Variants in RPTOR observed in about 807,000 individuals in gnomAD.
RPTOR encodes the protein regulatory-associated protein of mTOR.
In RPTOR, 21 loss-of-function variants were observed where a neutral mutation model predicts 169.9. The observed-to-expected ratio is 0.12, with a 90% CI of 0.09 to 0.18. The LOEUF (loss-of-function observed/expected upper bound fraction) is 0.18, where lower values mean the gene tolerates loss of function less well. Ranked by LOEUF, RPTOR falls within the 10% of genes least tolerant of loss-of-function variation. The pLI is 1.00. For missense variants in RPTOR, 1,133 were observed against 1,855.9 expected (o/e 0.61, Z 7.16); for synonymous variants, 732 against 753.2 (o/e 0.97, Z 0.46).
intron 5 of RPTOR, among the ~76,000 whole-genome samples, chr17:80,736,385 GA>G (rs1454070759): frequency 1.3e-5 from 2 of 152,190 alleles, no homozygotes; most frequent in African/African-American, 4.8e-5. Context: ...GCCACAGCGA[GA>G]AGCTTGCTTG....
rs1568014180 is a variant in RPTOR, at chr17:80,962,586, C to T, written c.3809+9C>T. 1.2e-6 allele frequency: 2 copies of T among 1,607,434 alleles called. No individual in the cohort carries two copies. Among genetic ancestry groups the T allele is most frequent in the African/African-American group, 2.7e-5 (2 of 74,954 alleles). On this transcript the variant is annotated intron_variant, in intron 32 of 33. Coordinates refer to ENST00000306801, the MANE Select transcript of RPTOR (RefSeq NM_020761.3). ...GCGGACCTGATCGCATGGTAGGCGC[C>T]ACCCACCTCCCTGGCCTGCACCGCT...
At chr17:80,842,313 A>G (rs1373463463) in intron 10 of RPTOR, among the ~76,000 whole-genome samples, 1 of 150,852 alleles carries the variant, frequency 6.6e-6, no homozygotes, top group Non-Finnish European at 1.5e-5. Flanking sequence ...GCACTGAAAT[A>G]TCATTTGTCT....
chr17:80,640,583 G>T (rs2065545578), intron 2 of RPTOR, among the ~76,000 whole-genome samples: 2 of 152,204 alleles, frequency 1.3e-5, no homozygotes, highest in African/African-American at 4.8e-5. Flanking sequence ...CCCCTCCTGG[G>T]TGGGCAGGTA....
At chr17:80,939,217 AAATGCAT>A (rs2068992278) in intron 24 of RPTOR, among the ~76,000 whole-genome samples, 1 of 152,228 alleles carries the variant, frequency 6.6e-6, no homozygotes, top group Admixed American at 6.5e-5. Flanking sequence ...ATGCTTAAGG[AAATGCAT>A]CTGCGTAACC....
At chr17:80,670,472 A>G (rs370673685) in intron 3 of RPTOR, among the ~76,000 whole-genome samples, 3 of 152,278 alleles carry the variant, frequency 2.0e-5, no homozygotes, top group African/African-American at 7.2e-5. Flanking sequence ...CGATTTTGAC[A>G]TGACGCCTGC....
intron 6 of RPTOR, among the ~76,000 whole-genome samples, chr17:80,765,265 G>A (rs968077020): frequency 1.3e-5 from 2 of 152,130 alleles, no homozygotes; most frequent in Admixed American, 6.5e-5. Flanking sequence ...CTGGGCACTT[G>A]CTCTCAGTTC....
intron 7 of RPTOR, among the ~76,000 whole-genome samples, chr17:80,810,854 G>C (rs2067265336): frequency 6.6e-6 from 1 of 152,120 alleles, no homozygotes; most frequent in South Asian, 2.1e-4. Context: ...CAAATATTTT[G>C]TTAAATTAAT....
intron 10 of RPTOR, 121 bp from the exon 11 acceptor site, chr17:80,846,352 C>T (rs1020875394): frequency 3.7e-5 from 34 of 925,342 alleles, no homozygotes; most frequent in African/African-American, 2.9e-4. Flanking sequence ...CTGGCATCCT[C>T]GCGGCCCTGC....
chr17:80,867,548 G>GA (rs1453726515), intron 13 of RPTOR, among the ~76,000 whole-genome samples: 1 of 151,918 alleles, frequency 6.6e-6, no homozygotes, highest in East Asian at 1.9e-4. Flanking sequence ...GTGAGTCAAG[G>GA]AAAAAAAGGC....
At chr17:80,811,812 C>T (rs558668360) in intron 7 of RPTOR, among the ~76,000 whole-genome samples, 17 of 151,456 alleles carry the variant, frequency 1.1e-4, no homozygotes, top group South Asian at 4.2e-4. Flanking sequence ...CTCACTCCAC[C>T]GGTGGGACAC....
chr17:80,685,843 C>T (rs1372170401), intron 3 of RPTOR, among the ~76,000 whole-genome samples: 3 of 151,046 alleles, frequency 2.0e-5, no homozygotes, highest in Non-Finnish European at 4.4e-5. Context: ...CCCCCAGAGT[C>T]GTCCTGGGAG....
At chr17:80,713,701 AT>A (rs2066216113) in intron 4 of RPTOR, among the ~76,000 whole-genome samples, 1 of 152,186 alleles carries the variant, frequency 6.6e-6, no homozygotes, top group Non-Finnish European at 1.5e-5. Flanking sequence ...GATGAGGAGT[AT>A]TATTGATGAT....
intron 9 of RPTOR, among the ~76,000 whole-genome samples, chr17:80,824,894 G>A (rs190904953): frequency 5.2e-5 from 8 of 152,390 alleles, no homozygotes; most frequent in Admixed American, 5.2e-4. Context: ...GGAGCCAGGA[G>A]GGATGAGCAG....
intron 33 of RPTOR, 122 bp from the exon 34 acceptor site, chr17:80,964,140 C>T (rs1598429961): frequency 6.0e-6 from 5 of 827,668 alleles, no homozygotes; most frequent in East Asian, 2.6e-5. Context: ...CTGAGGTGGG[C>T]GTGGGGGTTC....
chr17:80,743,102 C>G (rs1000603284), intron 5 of RPTOR, among the ~76,000 whole-genome samples: 2 of 152,176 alleles, frequency 1.3e-5, no homozygotes, highest in African/African-American at 4.8e-5. Flanking sequence ...GAATAACACC[C>G]ACTTTATGCT....
intron 3 of RPTOR, among the ~76,000 whole-genome samples, chr17:80,691,271 G>A (rs2065988596): frequency 9.1e-6 from 1 of 109,680 alleles, no homozygotes; most frequent in African/African-American, 5.7e-5. Context: ...GGGTGTGTGG[G>A]TGTGATATGT....
intron 9 of RPTOR, among the ~76,000 whole-genome samples, chr17:80,831,436 G>A (rs1033081791): frequency 6.6e-6 from 1 of 152,218 alleles, no homozygotes; most frequent in African/African-American, 2.4e-5. Flanking sequence ...CTAACTCTTA[G>A]ACACTCTCAC....
intron 7 of RPTOR, among the ~76,000 whole-genome samples, chr17:80,798,699 AG>A (rs1256154996): frequency 2.0e-5 from 3 of 152,116 alleles, no homozygotes; most frequent in Non-Finnish European, 4.4e-5. Flanking sequence ...GGCTGAGCCA[AG>A]GGGGGGCCAA....
intron 4 of RPTOR, among the ~76,000 whole-genome samples, chr17:80,725,008 T>C (rs1252509378): frequency 1.3e-5 from 2 of 152,232 alleles, no homozygotes; most frequent in Non-Finnish European, 2.9e-5. Context: ...CTGTTTGGTA[T>C]GTGAGGGGTT....
Sources: allele counts gnomAD v4.1 joint callset (sites outside exome capture counted in the v4.1 genomes callset), GRCh38; gene constraint gnomAD v4.1.1; transcripts MANE v1.5; gene names NCBI Gene and HGNC (gene_info 2026-07-23, HGNC 2026-07-21).